The following DOCK8 variants were observed in gnomAD, a reference collection of about 807,000 sequenced individuals.
The protein encoded by DOCK8 is dedicator of cytokinesis protein 8.
DOCK8 carries 141 observed loss-of-function variants against 245.6 expected under a neutral mutation model. The ratio of observed to expected loss-of-function variants is 0.57; its 90% CI spans 0.50 to 0.66. DOCK8 has a LOEUF of 0.66. DOCK8 is among the 30% of genes least tolerant of loss of function. The probability of loss-of-function intolerance (pLI) is 0.00; values close to 1 mark genes in which losing one functional copy is unlikely to be tolerated. For synonymous variants in DOCK8, 1,168 were observed against 970.2 expected (o/e 1.20, Z -3.79); for missense variants, 2,965 against 2,603.4 (o/e 1.14, Z -3.02).
At chr9:378,271 A>G (rs2053598472) in intron 20 of DOCK8, among the ~76,000 whole-genome samples, 1 of 152,244 alleles carries the variant, frequency 6.6e-6, no homozygotes, top group African/African-American at 2.4e-5. Flanking sequence ...AAGAAGGGAT[A>G]GAGTGAAAAC....
At chr9:226,332 TGTG>T (rs2046989768) in intron 1 of DOCK8, among the ~76,000 whole-genome samples, 1 of 152,022 alleles carries the variant, frequency 6.6e-6, no homozygotes, top group African/African-American at 2.4e-5. Flanking sequence ...TCGCACAACA[TGTG>T]GGGATTATGG....
At chr9:268,889 T>C (rs887992127) in intron 1 of DOCK8, among the ~76,000 whole-genome samples, 3 of 152,182 alleles carry the variant, frequency 2.0e-5, no homozygotes, top group African/African-American at 7.2e-5. Flanking sequence ...TGGACAGTGG[T>C]CTAATCTGCT....
intron 2 of DOCK8, among the ~76,000 whole-genome samples, chr9:283,303 AC>A (rs1249555107): frequency 1.3e-5 from 2 of 152,182 alleles, no homozygotes; most frequent in East Asian, 3.8e-4. Flanking sequence ...AAAATCTGAA[AC>A]TTTTTTTGTG....
intron 2 of DOCK8, chr9:273,123 C>T (rs1211307231): frequency 3.1e-6 from 3 of 971,652 alleles, no homozygotes; most frequent in African/African-American, 1.8e-5. Context: ...GGAGTGATTT[C>T]TGGTTATTTC....
At chr9:439,750 G>A (rs574527145) in intron 40 of DOCK8, among the ~76,000 whole-genome samples, 2 of 152,180 alleles carry the variant, frequency 1.3e-5, no homozygotes, top group East Asian at 1.9e-4. Flanking sequence ...TCACTCCCTC[G>A]TTTTTCCTCT....
upstream of DOCK8, among the ~76,000 whole-genome samples, chr9:212,652 C>T (rs2046638610): frequency 6.6e-6 from 1 of 152,200 alleles, no homozygotes; most frequent in South Asian, 2.1e-4. Context: ...GGAGACAATT[C>T]TAACCATCAA....
chr9:449,365 ATAAATAAG>A (rs1470266131), intron 44 of DOCK8, among the ~76,000 whole-genome samples: 11 of 149,452 alleles, frequency 7.4e-5, no homozygotes, highest in East Asian at 6.1e-4. Context: ...AAATAAATAA[ATAAATAAG>A]TAAGTTGAGT....
chr9:356,850 A>AT (rs397694213), intron 14 of DOCK8, among the ~76,000 whole-genome samples: 1 of 151,866 alleles, frequency 6.6e-6, no homozygotes, highest in Non-Finnish European at 1.5e-5. Flanking sequence ...CTTGAAAAAA[A>AT]TTTCAGTTGG....
At chr9:419,029 C>T (rs1430367925) in intron 30 of DOCK8, among the ~76,000 whole-genome samples, 5 of 152,178 alleles carry the variant, frequency 3.3e-5, no homozygotes, top group Non-Finnish European at 5.9e-5. Context: ...CAAAGAGGGG[C>T]TCCTCTGGGA....
chr9:251,052 A>G lies in DOCK8; in HGVS notation c.54-20575A>G, dbSNP rs550964959. Among the ~76,000 whole-genome samples, 11 of 152,346 alleles carry G rather than the reference A, an allele frequency of 7.2e-5. No homozygotes were observed. In the East Asian group the frequency reaches 2.1e-3, roughly 29 times the overall value. The stretch of plus-strand genomic sequence containing the variant: ...AGGAAGCAAAGAGGAGTCTAGGGAC[A>G]GACAGGGATTGTCCAGGTAATGTAG... On this transcript the variant is annotated intron_variant, in intron 1 of 47. Coordinates refer to ENST00000432829, the MANE Select transcript of DOCK8 (RefSeq NM_203447.4).
At chr9:227,131 G>A (rs367869549) in intron 1 of DOCK8, among the ~76,000 whole-genome samples, 1 of 152,160 alleles carries the variant, frequency 6.6e-6, no homozygotes, top group South Asian at 2.1e-4. Context: ...ATGTATGCAT[G>A]CATATTTTGC....
intron 7 of DOCK8, among the ~76,000 whole-genome samples, chr9:319,100 C>T (rs551020450): frequency 1.1e-4 from 17 of 151,516 alleles, no homozygotes; most frequent in African/African-American, 3.6e-4. Flanking sequence ...AGTTTGAGGC[C>T]GGCCTGGGCA....
intron 1 of DOCK8, among the ~76,000 whole-genome samples, chr9:253,152 A>T (rs1272644293): frequency 2.6e-5 from 4 of 152,172 alleles, no homozygotes; most frequent in Non-Finnish European, 5.9e-5. Context: ...TCTACAGGGT[A>T]GTCTGGGCTT....
chr9:424,439 T>G (rs560749130), intron 33 of DOCK8, among the ~76,000 whole-genome samples: 1 of 152,184 alleles, frequency 6.6e-6, no homozygotes, highest in Non-Finnish European at 1.5e-5. Flanking sequence ...AGACAAGGTC[T>G]CACTCTGTCA....
chr9:228,369 T>A (rs1378497016), intron 1 of DOCK8, among the ~76,000 whole-genome samples: 1 of 152,172 alleles, frequency 6.6e-6, no homozygotes. Flanking sequence ...AGTAAAATAT[T>A]CTATTTAGAT....
At chr9:400,688 A>T (rs1220872858) in intron 26 of DOCK8, among the ~76,000 whole-genome samples, 2 of 106,174 alleles carry the variant, frequency 1.9e-5, no homozygotes, top group African/African-American at 5.2e-5. Flanking sequence ...CATCACCACC[A>T]CCTCCACCAC....
chr9:403,158 G>T (rs1166062570), intron 26 of DOCK8, among the ~76,000 whole-genome samples: 1 of 152,204 alleles, frequency 6.6e-6, no homozygotes, highest in Non-Finnish European at 1.5e-5. Flanking sequence ...CGAAGTGCTG[G>T]GATTACAGGT....
chr9:385,360 G>A (rs1278287680), intron 22 of DOCK8, among the ~76,000 whole-genome samples: 3 of 151,730 alleles, frequency 2.0e-5, no homozygotes, highest in African/African-American at 7.3e-5. Flanking sequence ...TAAGAGAAAT[G>A]CAATGAAAGT....
chr9:409,088 C>T (rs1165986882), intron 28 of DOCK8, among the ~76,000 whole-genome samples: 1 of 151,338 alleles, frequency 6.6e-6, no homozygotes, highest in Admixed American at 6.6e-5. Context: ...AACAATACTT[C>T]CTATTGATCA....
Sources: gnomAD v4.1 joint callset for allele counts (sites outside exome capture counted in the v4.1 genomes callset) on GRCh38, gnomAD v4.1.1 for gene constraint, MANE v1.5 for transcripts, NCBI Gene and HGNC (gene_info 2026-07-23, HGNC 2026-07-21) for gene names.